Variants in RBFOX3 observed in about 807,000 individuals in gnomAD.
RBFOX3 encodes the protein RNA binding protein fox-1 homolog 3.
A neutral mutation model predicts 48.7 loss-of-function variants in RBFOX3; 17 were observed. The observed-to-expected ratio is 0.35, with a 90% CI of 0.24 to 0.52. The LOEUF is 0.52. RBFOX3 is among the 20% of genes least tolerant of loss of function. RBFOX3 has a pLI of 0.94. For synonymous variants in RBFOX3, 212 were observed against 209.5 expected (o/e 1.01, Z -0.10); for missense variants, 382 against 497.5 (o/e 0.77, Z 2.21).
At position 79,184,132 on chromosome 17, in the gene RBFOX3, C is replaced by T. The variant is rs536658987; in HGVS notation, c.-34+51634G>A. 3.3e-5 allele frequency among the ~76,000 whole-genome samples: 5 copies of T among 152,300 alleles called. No homozygotes were observed. The East Asian group carries it at 7.7e-4, about 24-fold the overall frequency. On this transcript the variant is annotated intron_variant, in intron 4 of 14. Coordinates refer to ENST00000693108, the MANE Select transcript of RBFOX3 (RefSeq NM_001350451.2). ...CGGTGATGTAATCCGAGGGCATCTACGCAGAGGCTTCCGCGCTGGGGAAGG... is the reference window on the plus strand; with the variant it reads ...CGGTGATGTAATCCGAGGGCATCTATGCAGAGGCTTCCGCGCTGGGGAAGG...
chr17:79,207,822 C>T (rs1209389040), intron 4 of RBFOX3, among the ~76,000 whole-genome samples: 1 of 152,214 alleles, frequency 6.6e-6, no homozygotes, highest in Non-Finnish European at 1.5e-5. Flanking sequence ...ACCTCCTTTC[C>T]CTCCCCTTCT....
chr17:79,232,008 G>C (rs1371730888), intron 4 of RBFOX3, among the ~76,000 whole-genome samples: 1 of 152,184 alleles, frequency 6.6e-6, no homozygotes, highest in Non-Finnish European at 1.5e-5. Context: ...CTCTTCACAG[G>C]GCGGCAGGAG....
At chr17:79,349,670 C>T (rs551600442) in intron 2 of RBFOX3, among the ~76,000 whole-genome samples, 1 of 152,278 alleles carries the variant, frequency 6.6e-6, no homozygotes, top group South Asian at 2.1e-4. Flanking sequence ...GACGTCCCTG[C>T]TTATTTCCTT....
the RBFOX3 span, among the ~76,000 whole-genome samples, chr17:79,628,267 G>T: frequency 6.6e-6 from 1 of 152,078 alleles, no homozygotes; most frequent in African/African-American, 2.4e-5. Context: ...AACAAGGACA[G>T]ACCTAGGGAT....
At chr17:79,560,152 C>T (rs2092113562) in intron 1 of RBFOX3, among the ~76,000 whole-genome samples, 2 of 152,068 alleles carry the variant, frequency 1.3e-5, no homozygotes. Flanking sequence ...CAGCCTCCCC[C>T]ACCCACCGTC....
At chr17:79,283,573 T>C (rs1049259328) in intron 3 of RBFOX3, among the ~76,000 whole-genome samples, 2 of 152,188 alleles carry the variant, frequency 1.3e-5, no homozygotes, top group African/African-American at 4.8e-5. Context: ...GTGAATTCGG[T>C]CTAGATTTAA....
chr17:79,547,312 T>C (rs2090580164), intron 1 of RBFOX3, among the ~76,000 whole-genome samples: 1 of 152,038 alleles, frequency 6.6e-6, no homozygotes, highest in Non-Finnish European at 1.5e-5. Flanking sequence ...CCAGGCGTGG[T>C]GGCATGGTGG....
chr17:79,100,592 T>TG (rs199542759), intron 9 of RBFOX3, among the ~76,000 whole-genome samples: 6 of 151,984 alleles, frequency 3.9e-5, no homozygotes, highest in African/African-American at 7.3e-5. Context: ...GCCGATCACA[T>TG]GGGGGGCCAT....
At chr17:79,529,836 C>T (rs1261413723) in intron 1 of RBFOX3, among the ~76,000 whole-genome samples, 2 of 152,222 alleles carry the variant, frequency 1.3e-5, no homozygotes, top group Admixed American at 1.3e-4. Context: ...CCAAACCCAG[C>T]TCCCCCAGTT....
chr17:79,464,011 A>G (rs532297748), intron 2 of RBFOX3, among the ~76,000 whole-genome samples: 1 of 152,088 alleles, frequency 6.6e-6, no homozygotes, highest in South Asian at 2.1e-4. Context: ...AGCAGCCGTG[A>G]CAGCTTTCCT....
chr17:79,332,683 G>A (rs541046039), intron 2 of RBFOX3, among the ~76,000 whole-genome samples: 30 of 140,826 alleles, frequency 2.1e-4, no homozygotes, highest in African/African-American at 8.0e-4. Context: ...GAGAGACAAA[G>A]AGAGACGGAG....
intron 9 of RBFOX3, chr17:79,098,101 C>T (rs554092017): frequency 1.9e-5 from 5 of 262,010 alleles, no homozygotes; most frequent in African/African-American, 1.1e-4. Flanking sequence ...ATCTACCCCC[C>T]TGAGCACAGC....
At chr17:79,425,212 C>G (rs1025011873) in intron 2 of RBFOX3, among the ~76,000 whole-genome samples, 5 of 152,188 alleles carry the variant, frequency 3.3e-5, no homozygotes, top group Non-Finnish European at 5.9e-5. Flanking sequence ...CCTGCAAACC[C>G]CCCTTCCTGG....
At chr17:79,517,738 G>A (rs980010562) in intron 1 of RBFOX3, among the ~76,000 whole-genome samples, 12 of 152,156 alleles carry the variant, frequency 7.9e-5, no homozygotes, top group Admixed American at 5.9e-4. Flanking sequence ...TAAATAGATT[G>A]TGTTGGGGGA....
intron 4 of RBFOX3, among the ~76,000 whole-genome samples, chr17:79,202,044 T>C (rs2612800): frequency 0.36 from 55,172 of 152,030 alleles, 10,556 homozygotes; most frequent in Admixed American, 0.5. Context: ...TGCTGACACA[T>C]ATCTCTGGAA....
rs755760975 is a variant in RBFOX3, at chr17:79,364,096, C to A, written c.-174-56272G>T. Among the ~76,000 whole-genome samples, 3 of 152,170 alleles carry A rather than the reference C, an allele frequency of 2.0e-5. No individual in the cohort carries two copies. Among genetic ancestry groups the A allele is most frequent in the Non-Finnish European group, 4.4e-5 (3 of 68,036 alleles). On this transcript the variant is annotated intron_variant, in intron 2 of 14. Transcript: ENST00000693108. The surrounding 1 kb of genome is among the most constrained non-coding windows in gnomAD (Gnocchi z 5.1). ...ACCAGCCACCCACCCCATGGATTTT[C>A]GGGACAGCACGCACCACTCTGGGAC...
Position 79,090,767 on chromosome 17 carries a change from T to TG in RBFOX3, c.*115dup, listed in dbSNP as rs1555680309. The TG allele has an allele frequency of 3.1e-6, 4 of 1,270,992 alleles. No homozygotes were observed. The highest frequency in any genetic ancestry group is 4.3e-6 in the Non-Finnish European group (4 of 937,168). 78.7% of individuals were successfully genotyped at this position (1,270,992 alleles called of 1,614,324 possible). A position where few individuals can be genotyped will look rare whatever the true frequency, so the allele number is the denominator to read the frequency against. On this transcript the variant is annotated 3_prime_UTR_variant, in exon 15 of 15. Coordinates refer to ENST00000693108, the MANE Select transcript of RBFOX3 (RefSeq NM_001350451.2). ...TTGGTTGGATGCCTCTTGGTTTGGT[T>TG]GGTTTTTTTTTTGTTGCTTGGATCT...
intron 2 of RBFOX3, among the ~76,000 whole-genome samples, chr17:79,308,651 G>A (rs2076404153): frequency 6.6e-6 from 1 of 152,192 alleles, no homozygotes; most frequent in African/African-American, 2.4e-5. Flanking sequence ...TTTGGTGGGG[G>A]TCATAAAGTC....
At chr17:79,197,490 G>C (rs961223844) in intron 4 of RBFOX3, among the ~76,000 whole-genome samples, 1 of 150,602 alleles carries the variant, frequency 6.6e-6, no homozygotes, top group Admixed American at 6.6e-5. Context: ...CCAGGTTCGA[G>C]CGATTCTCCT....
Sources: allele counts gnomAD v4.1 joint callset (sites outside exome capture counted in the v4.1 genomes callset), GRCh38; gene constraint gnomAD v4.1.1; non-coding constraint Gnocchi (gnomAD v3.1); transcripts MANE v1.5; gene names NCBI Gene and HGNC (gene_info 2026-07-23, HGNC 2026-07-21).